ITPK1: variants seen among roughly 807,000 people sequenced by gnomAD.
The protein encoded by ITPK1 is inositol 1,3,4-trisphosphate 5/6-kinase.
Under a neutral mutation model 45.3 loss-of-function variants are expected in ITPK1, and 21 were observed. The observed-to-expected ratio is 0.46, with a 90% CI of 0.33 to 0.67. The LOEUF is 0.67. Ranked by LOEUF, ITPK1 falls within the 30% of genes least tolerant of loss-of-function variation. ITPK1 has a pLI of 0.02. For missense variants in ITPK1, 474 were observed against 573.5 expected (o/e 0.83, Z 1.77); for synonymous variants, 258 against 253.6 (o/e 1.02, Z -0.16).
In ITPK1 at chr14:92,940,034, CA is replaced by C; in HGVS notation, c.*1526del. On this transcript the variant is annotated 3_prime_UTR_variant, in exon 11 of 11. Transcript: ENST00000267615. ...GGTTAGTTGTTGGGTCCTCAGTTTC[CA>C]AAAAAGCCGGGCAGTTCTGATGGCC... is the stretch of plus-strand genomic sequence containing the variant. The C allele has an allele frequency of 7.1e-6, 7 of 985,748 alleles. No individual in the cohort carries two copies. The highest frequency in any genetic ancestry group is 8.4e-6 in the Non-Finnish European group (7 of 829,926). 61.1% of individuals were successfully genotyped at this position (985,748 alleles called of 1,614,324 possible).
intron 4 of ITPK1, among the ~76,000 whole-genome samples, chr14:93,007,595 G>T (rs980752493): frequency 6.6e-6 from 1 of 152,190 alleles, no homozygotes; most frequent in African/African-American, 2.4e-5. Flanking sequence ...TGAGGCCAGA[G>T]GACCCCTGGG....
intron 9 of ITPK1, 119 bp downstream of exon 9, chr14:92,951,827 C>T (rs556493710): frequency 1.2e-5 from 9 of 765,942 alleles, no homozygotes; most frequent in Admixed American, 9.2e-5. Context: ...TGGAGGCAAA[C>T]GTCCTTCCCA....
intron 3 of ITPK1, among the ~76,000 whole-genome samples, chr14:93,066,880 C>T (rs777027415): frequency 2.6e-5 from 4 of 152,172 alleles, no homozygotes; most frequent in African/African-American, 4.8e-5. Flanking sequence ...CTGCGCCCAG[C>T]TGGACAAGGA....
At chr14:92,957,312 G>T (rs1040159640) in intron 8 of ITPK1, among the ~76,000 whole-genome samples, 2 of 152,244 alleles carry the variant, frequency 1.3e-5, no homozygotes, top group Non-Finnish European at 2.9e-5. Flanking sequence ...GTTCTCCAAA[G>T]GGTCCTCCTG....
At chr14:92,949,692 C>A (rs1163660330) in intron 9 of ITPK1, among the ~76,000 whole-genome samples, 1 of 152,282 alleles carries the variant, frequency 6.6e-6, no homozygotes, top group South Asian at 2.1e-4. Flanking sequence ...ACAGGCCCAG[C>A]AGCAAGGGAG....
At chr14:93,109,199 A>G (rs1892643817) in intron 2 of ITPK1, among the ~76,000 whole-genome samples, 1 of 152,224 alleles carries the variant, frequency 6.6e-6, no homozygotes, top group African/African-American at 2.4e-5. Context: ...AGCTGTTTAA[A>G]AAAAAAGAGG....
intron 3 of ITPK1, among the ~76,000 whole-genome samples, chr14:93,019,993 G>C (rs1271041096): frequency 6.6e-6 from 1 of 152,230 alleles, no homozygotes; most frequent in Non-Finnish European, 1.5e-5. Flanking sequence ...AGGAGCAAGG[G>C]TGTCTCAATG....
rs1191408253 is a variant in ITPK1, at chr14:93,108,203, A to G, written c.95+6866T>C. 3.3e-5 allele frequency among the ~76,000 whole-genome samples: 5 copies of G among 152,216 alleles called. No individual in the cohort carries two copies. The East Asian group carries it at 5.8e-4, about 18-fold the overall frequency. On this transcript the variant is annotated intron_variant, in intron 2 of 10. Coordinates refer to ENST00000267615, the MANE Select transcript of ITPK1 (RefSeq NM_014216.6). ...GCAGGATGGGGAAGGTGTTTAAGACAGTGACTTTGCGAGGGAAAGAAGGAG... is the reference window on the plus strand; with the variant it reads ...GCAGGATGGGGAAGGTGTTTAAGACGGTGACTTTGCGAGGGAAAGAAGGAG...
At position 93,012,356 on chromosome 14, in the gene ITPK1, T is replaced by C. The variant is rs79749362; in HGVS notation, c.246+4320A>G. On this transcript the variant is annotated intron_variant, in intron 4 of 10. Transcript: ENST00000267615. The surrounding 1 kb of genome is among the most constrained non-coding windows in gnomAD (Gnocchi z 4.9). ...ATCAGCTCACGAGGGAGGACATTTC[T>C]TGGGAAGGGGCACTGAGCTGACGGA... Among the ~76,000 whole-genome samples, 147 of 152,208 alleles carry C rather than the reference T, an allele frequency of 9.7e-4. 2 individuals carry two copies. The East Asian group carries it at 0.015, about 15-fold the overall frequency.
At chr14:92,994,057 C>A in intron 4 of ITPK1, 60 bp from the exon 5 acceptor site, 4 of 1,050,098 alleles carry the variant, frequency 3.8e-6, no homozygotes, top group South Asian at 1.3e-5. Flanking sequence ...GCAACTCACC[C>A]CTCGCGCCCT....
At chr14:93,020,920 A>G (rs1303063368) in intron 3 of ITPK1, among the ~76,000 whole-genome samples, 2 of 152,080 alleles carry the variant, frequency 1.3e-5, no homozygotes, top group Non-Finnish European at 2.9e-5. Context: ...AATTCTCACA[A>G]TAGTCTGAGA....
intron 2 of ITPK1, among the ~76,000 whole-genome samples, chr14:93,079,550 C>G (rs1004355811): frequency 6.6e-6 from 1 of 152,210 alleles, no homozygotes; most frequent in African/African-American, 2.4e-5. Context: ...TGGTCTCCAG[C>G]CTCCAGGGCC....
intron 2 of ITPK1, among the ~76,000 whole-genome samples, chr14:93,086,030 C>A (rs1891638442): frequency 6.6e-6 from 1 of 151,684 alleles, no homozygotes; most frequent in Non-Finnish European, 1.5e-5. Context: ...GCTAATGATT[C>A]AGTTGGTTCT....
intron 2 of ITPK1, among the ~76,000 whole-genome samples, chr14:93,103,415 A>G (rs1000856160): frequency 6.6e-6 from 1 of 152,072 alleles, no homozygotes; most frequent in Non-Finnish European, 1.5e-5. Context: ...CTCCGTCTCC[A>G]TCTCAAAAAA....
chr14:93,071,599 C>G (rs1279426163), intron 3 of ITPK1: 1 of 152,208 alleles, frequency 6.6e-6, no homozygotes, highest in Non-Finnish European at 1.5e-5. Flanking sequence ...TAATGTTTCT[C>G]TTTTAAATGG....
At chr14:92,977,155 C>T (rs1417184347) in intron 5 of ITPK1, among the ~76,000 whole-genome samples, 3 of 152,242 alleles carry the variant, frequency 2.0e-5, no homozygotes, top group African/African-American at 7.2e-5. Flanking sequence ...AAAACAGAAA[C>T]CAGCATGCAG....
chr14:93,030,543 G>A (rs537064215), intron 3 of ITPK1, among the ~76,000 whole-genome samples: 7 of 152,250 alleles, frequency 4.6e-5, no homozygotes, highest in South Asian at 2.1e-4. Flanking sequence ...GAAGATGACC[G>A]CCAGGTCCCT....
At chr14:92,964,151 C>T (rs1343648575) in intron 5 of ITPK1, among the ~76,000 whole-genome samples, 5 of 152,216 alleles carry the variant, frequency 3.3e-5, no homozygotes, top group Non-Finnish European at 1.5e-5. Context: ...CCCTCACAGT[C>T]TAAACTCCAA....
intron 10 of ITPK1, among the ~76,000 whole-genome samples, chr14:92,942,164 G>A (rs1231827934): frequency 6.6e-6 from 1 of 152,202 alleles, no homozygotes. Flanking sequence ...CTGAGCTGAG[G>A]ATGAAACTTG....
Sources: allele counts gnomAD v4.1 joint callset (sites outside exome capture counted in the v4.1 genomes callset), GRCh38; gene constraint gnomAD v4.1.1; non-coding constraint Gnocchi (gnomAD v3.1); transcripts MANE v1.5; gene names NCBI Gene and HGNC (gene_info 2026-07-23, HGNC 2026-07-21).